PRSS8: variants seen among roughly 807,000 people sequenced by gnomAD.
PRSS8 encodes prostasin.
In PRSS8, 11 loss-of-function variants were observed where a neutral mutation model predicts 26.7. The ratio of observed to expected loss-of-function variants is 0.41; its 90% CI spans 0.26 to 0.68. PRSS8 has a LOEUF of 0.68. Among genes scored for constraint, PRSS8 ranks in the 30% least tolerant of loss-of-function variants. PRSS8 has a pLI of 0.30. For missense variants in PRSS8, 362 were observed against 443.5 expected, an observed-to-expected ratio of 0.82 and a Z score of 1.65; for synonymous variants, 183 against 187.0, an observed-to-expected ratio of 0.98 and a Z score of 0.17.
chr16:31,135,286 A>C (rs753838417), intron 1 of PRSS8, 115 bp from the exon 2 acceptor site: 1 of 1,590,708 alleles, frequency 6.3e-7, no homozygotes, highest in African/African-American at 1.3e-5. Context: ...CCAAGGTGGG[A>C]AAGAGAGGCC....
chr16:31,133,189 G>A lies in PRSS8; in HGVS notation c.266+37C>T. 6.2e-7 allele frequency: 1 copy of A among 1,612,910 alleles called. No homozygotes were observed. The highest frequency in any genetic ancestry group is 8.5e-7 in the Non-Finnish European group (1 of 1,179,816). Reference sequence around the variant, plus strand: ...TGACCTGGATTGACCCATTAACTTTGACCTCCAGCCCACTTTTGACTTTCA... The same window carrying A: ...TGACCTGGATTGACCCATTAACTTTAACCTCCAGCCCACTTTTGACTTTCA... On this transcript the variant is annotated intron_variant, in intron 3 of 5. Coordinates refer to ENST00000317508, the MANE Select transcript of PRSS8 (RefSeq NM_002773.5). This position sits in a 1 kb window ranked among gnomAD's most constrained non-coding sequence, Gnocchi z 4.7.
At position 31,132,373 on chromosome 16, in the gene PRSS8, G is replaced by T; in HGVS notation, c.706-38C>A. ...GCCACACAGCAGCCATCAGGACCGG[G>T]CCAGGCCTCCTTTCCGAAGTTGCAC... On this transcript the variant is annotated intron_variant, in intron 5 of 5. Transcript: ENST00000317508. This position sits in a 1 kb window ranked among gnomAD's most constrained non-coding sequence, Gnocchi z 5.2. 1 of 1,613,914 alleles carries T rather than the reference G, an allele frequency of 6.2e-7. No individual in the cohort carries two copies. The highest frequency in any genetic ancestry group is 1.1e-5 in the South Asian group (1 of 91,078).
At position 31,131,547 on chromosome 16, in the gene PRSS8, G is replaced by T; in HGVS notation, c.*462C>A. Reference sequence around the variant, plus strand: ...GGAGTCCAGGAGTCAGGGCTCGGGGGCGCTCAGCGGCCAGTGGGCAAGATT... The same window carrying T: ...GGAGTCCAGGAGTCAGGGCTCGGGGTCGCTCAGCGGCCAGTGGGCAAGATT... On this transcript the variant is annotated 3_prime_UTR_variant, in exon 6 of 6. Transcript: ENST00000317508. The T allele has an allele frequency of 1.9e-6, 1 of 527,888 alleles. No individual in the cohort carries two copies. Among genetic ancestry groups the T allele is most frequent in the Non-Finnish European group, 3.3e-6 (1 of 298,626 alleles). 32.7% of individuals were successfully genotyped at this position (527,888 alleles called of 1,614,324 possible).
rs1470941537 is a variant in PRSS8, at chr16:31,132,378, GCCT to G, written c.706-46_706-44del. 6.2e-7 allele frequency: 1 copy of G among 1,613,804 alleles called. No individual in the cohort carries two copies. Among genetic ancestry groups the G allele is most frequent in the African/African-American group, 1.3e-5 (1 of 74,924 alleles). ...ACAGCAGCCATCAGGACCGGGCCAG[GCCT>G]CCTTTCCGAAGTTGCACTGGTCATC... On this transcript the variant is annotated intron_variant, in intron 5 of 5. Transcript: ENST00000317508. The surrounding 1 kb of genome is among the most constrained non-coding windows in gnomAD (Gnocchi z 5.2).
At position 31,132,685 on chromosome 16, in the gene PRSS8, A is replaced by AG. The variant is rs769337133; in HGVS notation, c.534dup (p.Ser179LeufsTer21). 6.2e-7 allele frequency: 1 copy of AG among 1,613,788 alleles called. No homozygotes were observed. Among genetic ancestry groups the AG allele is most frequent in the Non-Finnish European group, 8.5e-7 (1 of 1,179,822 alleles). ...GGCACCCAGCGTCCCACCTCACCTGAGGGGGCCACATGACCCCAGCCAGTG... is the reference window on the plus strand; with the variant it reads ...GGCACCCAGCGTCCCACCTCACCTGAGGGGGGCCACATGACCCCAGCCAGTG... On this transcript the variant is annotated frameshift_variant, in exon 4 of 6. Transcript: ENST00000317508. LOFTEE classifies it high-confidence loss of function. This position sits in a 1 kb window ranked among gnomAD's most constrained non-coding sequence, Gnocchi z 5.2.
rs769289313 is a variant in PRSS8 at position 31,132,592 on chromosome 16, C to T, written c.542G>A (p.Ser181Asn). The change falls in exon 5 of 6, where the codon AGC becomes AAC. Residue 181 changes from serine to asparagine, a missense_variant. Ser to Asn is a conservative substitution (Grantham distance 46). Coordinates refer to ENST00000317508, the MANE Select transcript of PRSS8 (RefSeq NM_002773.5). The surrounding 1 kb of genome is among the most constrained non-coding windows in gnomAD (Gnocchi z 5.2). The part of the protein sequence containing the change: ...TGWGHVAPSV[S>N]LLTPKPLQQL... ...CTGCAGTGGCTTGGGCGTCAGGAGG[C>T]TCACTGTGGGGGTAAAAGAGGCTTA... The T allele has an allele frequency of 3.7e-6, 6 of 1,614,014 alleles. No individual in the cohort carries two copies. In the South Asian group the frequency reaches 6.6e-5, roughly 18 times the overall value.
chr16:31,134,940 C>T (rs996353334), intron 2 of PRSS8: 16 of 611,392 alleles, frequency 2.6e-5, no homozygotes, highest in African/African-American at 1.3e-4. Context: ...AGACGTGGAT[C>T]TGAATCCCAG....
At position 31,133,657 on chromosome 16, in the gene PRSS8, C is replaced by T. The variant is rs1247850798; in HGVS notation, c.104-269G>A. On this transcript the variant is annotated intron_variant, in intron 2 of 5. Coordinates refer to ENST00000317508, the MANE Select transcript of PRSS8 (RefSeq NM_002773.5). This position sits in a 1 kb window ranked among gnomAD's most constrained non-coding sequence, Gnocchi z 4.7. ...AACCCCCAATCTGACCAGGCCACAG[C>T]CCTGCTTAAACCCTTCTTGGCTCCA... 6.6e-6 allele frequency among the ~76,000 whole-genome samples: 1 copy of T among 152,188 alleles called. No individual in the cohort carries two copies. The highest frequency in any genetic ancestry group is 2.4e-5 in the African/African-American group (1 of 41,446).
chr16:31,135,115 C>T, intron 2 of PRSS8, 39 bp downstream of exon 2: 4 of 1,607,016 alleles, frequency 2.5e-6, no homozygotes, highest in Non-Finnish European at 1.7e-6. Flanking sequence ...ATCCAAGTCA[C>T]CTCCCCCTCC....
At chr16:31,134,790 G>A (rs1344666377) in intron 2 of PRSS8, 6 of 260,600 alleles carry the variant, frequency 2.3e-5, no homozygotes, top group East Asian at 1.8e-4. Context: ...ACGTGAGCCC[G>A]GGAGGCTGGA....
At position 31,131,907 on chromosome 16, in the gene PRSS8, G is replaced by A; in HGVS notation, c.*102C>T. 7.6e-7 allele frequency: 1 copy of A among 1,317,790 alleles called. No homozygotes were observed. The highest frequency in any genetic ancestry group is 1.6e-5 in the South Asian group (1 of 64,510). 81.6% of individuals were successfully genotyped at this position (1,317,790 alleles called of 1,614,324 possible). A position where few individuals can be genotyped will look rare whatever the true frequency, so the allele number is the denominator to read the frequency against. On this transcript the variant is annotated 3_prime_UTR_variant, in exon 6 of 6. Coordinates refer to ENST00000317508, the MANE Select transcript of PRSS8 (RefSeq NM_002773.5). ...CCCCAGCCTCCCGCAGAGTCCTGAAGGAAGGAGTGGCTCAAGTCAGGCCCT... is the reference window on the plus strand; with the variant it reads ...CCCCAGCCTCCCGCAGAGTCCTGAAAGAAGGAGTGGCTCAAGTCAGGCCCT...
Position 31,135,439 on chromosome 16 carries a change from A to G in PRSS8, c.60T>C (p.Tyr20=), listed in dbSNP as rs2057601429. The G allele has an allele frequency of 3.8e-6, 6 of 1,594,092 alleles. No individual in the cohort carries two copies. The highest frequency in any genetic ancestry group is 5.1e-6 in the Non-Finnish European group (6 of 1,170,938). Residue 20 remains tyrosine, a synonymous_variant, in exon 1 of 6, where the codon TAT becomes TAC. Coordinates refer to ENST00000317508, the MANE Select transcript of PRSS8 (RefSeq NM_002773.5). The part of the protein sequence containing the change: ...GQLGAVAILL[Y]LGLLRSGTGA... ...CTGTCCCCGACCGGAGTAATCCAAG[A>G]TAGAGCAGAATGGCCACAGCCCCCA...
intron 2 of PRSS8, 107 bp downstream of exon 2, chr16:31,135,047 C>G (rs2057598167): frequency 7.2e-7 from 1 of 1,387,338 alleles, no homozygotes; most frequent in Non-Finnish European, 9.9e-7. Context: ...CTAAGAGAAT[C>G]TAGTTGGAAG....
In PRSS8 at chr16:31,133,834, C is replaced by A. The variant is rs2057593059; in HGVS notation, c.104-446G>T. Reference sequence around the variant, plus strand: ...GTCACTCTACCTGGTATGCCCTTCCCCATCCTTACTGTCTGGCAAACTTCC... The same window carrying A: ...GTCACTCTACCTGGTATGCCCTTCCACATCCTTACTGTCTGGCAAACTTCC... On this transcript the variant is annotated intron_variant, in intron 2 of 5. Coordinates refer to ENST00000317508, the MANE Select transcript of PRSS8 (RefSeq NM_002773.5). This position sits in a 1 kb window ranked among gnomAD's most constrained non-coding sequence, Gnocchi z 4.7. Among the ~76,000 whole-genome samples, 1 of 152,182 alleles carries A rather than the reference C, an allele frequency of 6.6e-6. No individual in the cohort carries two copies. Among genetic ancestry groups the A allele is most frequent in the African/African-American group, 2.4e-5 (1 of 41,446 alleles).
Position 31,131,985 on chromosome 16 carries a change from A to T in PRSS8, c.*24T>A, listed in dbSNP as rs372821273. 1 of 1,518,278 alleles carries T rather than the reference A, an allele frequency of 6.6e-7. No homozygotes were observed. The highest frequency in any genetic ancestry group is 1.4e-5 in the African/African-American group (1 of 72,578). 94.1% of individuals were successfully genotyped at this position (1,518,278 alleles called of 1,614,324 possible). ...AGGCTCCTGTCCTTGAGTGTGATGCATCCATCCTGGAAGTAGGGCCAGCTC... is the reference window on the plus strand; with the variant it reads ...AGGCTCCTGTCCTTGAGTGTGATGCTTCCATCCTGGAAGTAGGGCCAGCTC... On this transcript the variant is annotated 3_prime_UTR_variant, in exon 6 of 6. Coordinates refer to ENST00000317508, the MANE Select transcript of PRSS8 (RefSeq NM_002773.5).
In PRSS8 at chr16:31,135,456, C is replaced by T. The variant is rs1386896612; in HGVS notation, c.43G>A (p.Val15Met). The T allele has an allele frequency of 1.3e-6, 2 of 1,591,354 alleles. No individual in the cohort carries two copies. Among genetic ancestry groups the T allele is most frequent in the Admixed American group, 1.8e-5 (1 of 56,330 alleles). ...AATCCAAGATAGAGCAGAATGGCCA[C>T]AGCCCCCAGCTGCCCAGGCCCCAGG... The part of the protein sequence containing the change: ...GVLGPGQLGA[V>M]AILLYLGLLR... Residue 15 changes from valine (V) to methionine (M), a missense_variant, in exon 1 of 6, where the codon GTG (valine) becomes ATG (methionine). Val to Met is a conservative substitution (Grantham distance 21). Coordinates refer to ENST00000317508, the MANE Select transcript of PRSS8 (RefSeq NM_002773.5).
rs1179828864 is a variant in PRSS8, at chr16:31,133,201, A to G, written c.266+25T>C. 6.2e-7 allele frequency: 1 copy of G among 1,613,504 alleles called. No homozygotes were observed. Among genetic ancestry groups the G allele is most frequent in the Non-Finnish European group, 8.5e-7 (1 of 1,179,848 alleles). On this transcript the variant is annotated intron_variant, in intron 3 of 5. Coordinates refer to ENST00000317508, the MANE Select transcript of PRSS8 (RefSeq NM_002773.5). The surrounding 1 kb of genome is among the most constrained non-coding windows in gnomAD (Gnocchi z 4.7). ...ACCCATTAACTTTGACCTCCAGCCCACTTTTGACTTTCACCATTTGGTACC... is the reference window on the plus strand; with the variant it reads ...ACCCATTAACTTTGACCTCCAGCCCGCTTTTGACTTTCACCATTTGGTACC...
In PRSS8 at chr16:31,135,151, C is replaced by T. The variant is rs2057598866; in HGVS notation, c.103+3G>A. ...CCTCCTCCCTCTCCGAGGAAAGTCT[C>T]ACCTTCTGCCCCTTCCGCTCCTAGA... On this transcript the variant is annotated splice_donor_region_variant and intron_variant, in intron 2 of 5. Transcript: ENST00000317508. 1 of 1,612,750 alleles carries T rather than the reference C, an allele frequency of 6.2e-7. No homozygotes were observed.
chr16:31,133,362 G>C lies in PRSS8; in HGVS notation c.130C>G (p.Arg44Gly). The C allele has an allele frequency of 6.2e-7, 1 of 1,613,968 alleles. No individual in the cohort carries two copies. Among genetic ancestry groups the C allele is most frequent in the Non-Finnish European group, 8.5e-7 (1 of 1,179,890 alleles). ...EAPCGVAPQA[R>G]ITGGSSAVAG... The stretch of plus-strand genomic sequence containing the variant: ...ACTGCACTGCTGCCACCTGTGATGC[G>C]TGCTTGGGGGGCCACACCGCAGGGA... The change falls in exon 3 of 6, where the codon CGC becomes GGC. Residue 44 changes from arginine to glycine, a missense_variant. Physicochemically the swap from Arg to Gly is moderately radical, Grantham distance 125 (BLOSUM62 -2). Coordinates refer to ENST00000317508, the MANE Select transcript of PRSS8 (RefSeq NM_002773.5). This position sits in a 1 kb window ranked among gnomAD's most constrained non-coding sequence, Gnocchi z 4.7.
Sources: gnomAD v4.1 joint callset for allele counts (sites outside exome capture counted in the v4.1 genomes callset) on GRCh38, gnomAD v4.1.1 for gene constraint, Gnocchi (gnomAD v3.1) non-coding constraint, MANE v1.5 for transcripts, NCBI Gene and HGNC (gene_info 2026-07-23, HGNC 2026-07-21) for gene names.